Variants in ARSK observed in about 807,000 individuals in gnomAD.
ARSK encodes the protein arylsulfatase family member K.
A neutral mutation model predicts 53.2 loss-of-function variants in ARSK; 37 were observed. That is an observed-to-expected ratio of 0.70 (90% CI 0.54 to 0.92). ARSK has a LOEUF of 0.92. Ranked by LOEUF, ARSK falls within the 40% of genes least tolerant of loss-of-function variation. The pLI, the probability that ARSK is intolerant of heterozygous loss-of-function variation, is 0.00. For missense variants in ARSK, 613 were observed against 643.0 expected, an observed-to-expected ratio of 0.95 and a Z score of 0.51; for synonymous variants, 208 against 223.2, an observed-to-expected ratio of 0.93 and a Z score of 0.61.
intron 3 of ARSK, among the ~76,000 whole-genome samples, chr5:95,570,950 T>G (rs1054182982): frequency 6.6e-6 from 1 of 152,116 alleles, no homozygotes; most frequent in African/African-American, 2.4e-5. Context: ...CCCAACTAAT[T>G]TTTTGTATTT....
intron 1 of ARSK, among the ~76,000 whole-genome samples, chr5:95,560,738 C>A (rs1231042037): frequency 1.3e-5 from 2 of 148,172 alleles, no homozygotes; most frequent in African/African-American, 2.5e-5. Flanking sequence ...AAAACTCTTA[C>A]AAGAAAACAT....
In ARSK at chr5:95,583,066, G is replaced by C. The variant is rs753474633; in HGVS notation, c.567G>C (p.Lys189Asn). The C allele has an allele frequency of 2.5e-6, 4 of 1,613,708 alleles. No homozygotes were observed. The highest frequency in any genetic ancestry group is 1.1e-5 in the South Asian group (1 of 91,040). ...NTDKAVNWLR[K>N]EAINYTEPFV... ...ACAAAGCAGTAAACTGGTTAAGAAA[G>C]GAAGCAATTAATTACACTGAACCAT... Residue 189 changes from lysine (K) to asparagine (N), a missense_variant, in exon 4 of 8, where the codon AAG becomes AAC. Transcript: ENST00000380009.
chr5:95,580,071 T>C (rs1468322215), intron 3 of ARSK, among the ~76,000 whole-genome samples: 2 of 152,220 alleles, frequency 1.3e-5, no homozygotes, highest in Admixed American at 1.3e-4. Context: ...ATACATTGTA[T>C]AGCTGTGCCT....
intron 6 of ARSK, among the ~76,000 whole-genome samples, chr5:95,597,979 A>G (rs1247468333): frequency 6.6e-6 from 1 of 152,042 alleles, no homozygotes; most frequent in East Asian, 1.9e-4. Context: ...TAAATGTTAG[A>G]TATGGTTATC....
intron 6 of ARSK, among the ~76,000 whole-genome samples, chr5:95,598,699 AT>A (rs1164507331): frequency 2.0e-5 from 3 of 152,182 alleles, no homozygotes; most frequent in African/African-American, 7.2e-5. Context: ...AGTGTCTTTA[AT>A]TAGGCTTTGA....
chr5:95,571,616 T>C (rs1319272214), intron 3 of ARSK, among the ~76,000 whole-genome samples: 1 of 152,138 alleles, frequency 6.6e-6, no homozygotes, highest in Non-Finnish European at 1.5e-5. Context: ...CTAAAATTAG[T>C]AGAGGAAAAA....
intron 6 of ARSK, among the ~76,000 whole-genome samples, chr5:95,598,469 T>G (rs1458078126): frequency 2.0e-5 from 3 of 152,140 alleles, no homozygotes; most frequent in Non-Finnish European, 2.9e-5. Flanking sequence ...TCGCATGGGT[T>G]TTATCAATTT....
At position 95,555,612 on chromosome 5, in the gene ARSK, A is replaced by C. The variant is rs113054999; in HGVS notation, c.126+208A>C. ...ATGCAAACATGTAAAACAATAGTGA[A>C]ACACTGAAAACATCTTTGCAGATCT... On this transcript the variant is annotated intron_variant, in intron 1 of 7. Coordinates refer to ENST00000380009, the MANE Select transcript of ARSK (RefSeq NM_198150.3). The surrounding 1 kb of genome is among the most constrained non-coding windows in gnomAD (Gnocchi z 4.0). Among the ~76,000 whole-genome samples the C allele has an allele frequency of 1.6e-3, 240 of 152,260 alleles. 3 individuals are homozygous for C. The highest frequency in any genetic ancestry group is 5.6e-3 in the African/African-American group (234 of 41,536).
chr5:95,603,121 C>A, intron 7 of ARSK, 116 bp from the exon 8 acceptor site: 1 of 798,140 alleles, frequency 1.3e-6, no homozygotes, highest in Non-Finnish European at 1.9e-6. Context: ...TTTTACTACA[C>A]TAACAGGAAC....
At chr5:95,567,388 GA>G (rs1001201090) in intron 2 of ARSK, among the ~76,000 whole-genome samples, 1 of 151,924 alleles carries the variant, frequency 6.6e-6, no homozygotes, top group Non-Finnish European at 1.5e-5. Flanking sequence ...ATGGGAAAAG[GA>G]AAAAAAGTGT....
At chr5:95,587,821 A>G (rs1749147533) in intron 5 of ARSK, among the ~76,000 whole-genome samples, 1 of 151,394 alleles carries the variant, frequency 6.6e-6, no homozygotes, top group African/African-American at 2.4e-5. Flanking sequence ...CAAGAGAATC[A>G]CTTGAACCTG....
chr5:95,574,853 A>T (rs995563991), intron 3 of ARSK, among the ~76,000 whole-genome samples: 5 of 151,660 alleles, frequency 3.3e-5, no homozygotes, highest in Non-Finnish European at 7.4e-5. Context: ...ACTTGATGTG[A>T]TCCCATTTGT....
chr5:95,573,672 A>G lies in ARSK; in HGVS notation c.416+5623A>G, dbSNP rs187869756. On this transcript the variant is annotated intron_variant, in intron 3 of 7. Coordinates refer to ENST00000380009, the MANE Select transcript of ARSK (RefSeq NM_198150.3). ...TTTCATCTTACCATTGTAATTATGT[A>G]TGTTGTCTGCTCATGTAGGTTAATA... Among the ~76,000 whole-genome samples, 60 of 152,316 alleles carry G rather than the reference A, an allele frequency of 3.9e-4. No individual in the cohort carries two copies. The East Asian group carries it at 0.011, about 28-fold the overall frequency.
intron 1 of ARSK, among the ~76,000 whole-genome samples, chr5:95,564,786 C>T (rs578158249): frequency 2.0e-5 from 3 of 152,296 alleles, no homozygotes; most frequent in African/African-American, 4.8e-5. Flanking sequence ...GCCATTCTTT[C>T]TCAGTTTCCC....
chr5:95,580,907 G>A (rs1260336614), intron 3 of ARSK: 2 of 1,288,060 alleles, frequency 1.6e-6, no homozygotes, highest in Admixed American at 4.6e-5. Context: ...GTGAACGTGG[G>A]TCAACTAATC....
Position 95,588,238 on chromosome 5 carries a change from A to ATT in ARSK, c.871+1521_871+1522dup, listed in dbSNP as rs557510001. On this transcript the variant is annotated intron_variant, in intron 5 of 7. Coordinates refer to ENST00000380009, the MANE Select transcript of ARSK (RefSeq NM_198150.3). ...AATTTATGGAATATACTGTATCTTA[A>ATT]TTTTTTTTTTTTTTTTTGAGATAGA... is the stretch of plus-strand genomic sequence containing the variant. 8.8e-3 allele frequency among the ~76,000 whole-genome samples: 1,249 copies of ATT among 141,862 alleles called. 18 individuals carry two copies. Among genetic ancestry groups the ATT allele is most frequent in the African/African-American group, 0.03 (1,148 of 38,412 alleles). The allele number at this position is 141,862 out of a possible 152,430, so 93.1% of individuals were successfully genotyped here. A position where few individuals can be genotyped will look rare whatever the true frequency, so the allele number is the denominator to read the frequency against.
At chr5:95,584,133 A>G (rs1171866941) in intron 4 of ARSK, among the ~76,000 whole-genome samples, 2 of 152,076 alleles carry the variant, frequency 1.3e-5, no homozygotes, top group Non-Finnish European at 2.9e-5. Context: ...CTGCATGTTC[A>G]TCTTTGTTGA....
intron 3 of ARSK, among the ~76,000 whole-genome samples, chr5:95,577,000 C>T (rs1427634071): frequency 2.0e-5 from 3 of 152,190 alleles, no homozygotes; most frequent in African/African-American, 7.2e-5. Flanking sequence ...ACGTTAGGTG[C>T]CCATACCTGG....
chr5:95,598,201 C>A (rs927970900), intron 6 of ARSK, among the ~76,000 whole-genome samples: 1 of 152,004 alleles, frequency 6.6e-6, no homozygotes, highest in Non-Finnish European at 1.5e-5. Flanking sequence ...AAGAACCCTG[C>A]GGTTACTTCT....
Sources: gnomAD v4.1 joint callset for allele counts (sites outside exome capture counted in the v4.1 genomes callset) on GRCh38, gnomAD v4.1.1 for gene constraint, Gnocchi (gnomAD v3.1) non-coding constraint, MANE v1.5 for transcripts, NCBI Gene and HGNC (gene_info 2026-07-23, HGNC 2026-07-21) for gene names.